Variants in ZCCHC14 observed in about 807,000 individuals in gnomAD.
ZCCHC14 encodes zinc finger CCHC domain-containing protein 14.
A neutral mutation model predicts 85.0 loss-of-function variants in ZCCHC14; 16 were observed. That is an observed-to-expected ratio of 0.19 (90% CI 0.13 to 0.29). The LOEUF (loss-of-function observed/expected upper bound fraction) is 0.29, where lower values mean the gene tolerates loss of function less well. Ranked by LOEUF, ZCCHC14 falls within the 10% of genes least tolerant of loss-of-function variation. The probability of loss-of-function intolerance (pLI) is 1.00; values close to 1 mark genes in which losing one functional copy is unlikely to be tolerated. For synonymous variants in ZCCHC14, 775 were observed against 630.7 expected (o/e 1.23, Z -3.43); for missense variants, 1,303 against 1,443.5 (o/e 0.90, Z 1.58).
rs1228226545 is a variant in ZCCHC14, at chr16:87,407,120, G to A, written c.*3160C>T. On this transcript the variant is annotated 3_prime_UTR_variant, in exon 13 of 13. Coordinates refer to ENST00000671377, the MANE Select transcript of ZCCHC14 (RefSeq NM_015144.3). Reference sequence around the variant, plus strand: ...GCCCCGCTCAGCCTCTGTTCCAGCTGGGTGATGTTTAGGCAAAGTCACTAC... The same window carrying A: ...GCCCCGCTCAGCCTCTGTTCCAGCTAGGTGATGTTTAGGCAAAGTCACTAC... 1 of 152,302 alleles carries A rather than the reference G, an allele frequency of 6.6e-6. No individual in the cohort carries two copies. Among genetic ancestry groups the A allele is most frequent in the Non-Finnish European group, 1.5e-5 (1 of 68,100 alleles). 9.4% of individuals were successfully genotyped at this position (152,302 alleles called of 1,614,324 possible). A position where few individuals can be genotyped will look rare whatever the true frequency, so the allele number is the denominator to read the frequency against.
chr16:87,446,605 C>G (rs1311725921), intron 2 of ZCCHC14, among the ~76,000 whole-genome samples: 1 of 152,152 alleles, frequency 6.6e-6, no homozygotes, highest in Non-Finnish European at 1.5e-5. Flanking sequence ...AGTGGAAATG[C>G]TGACAACAAA....
chr16:87,458,019 G>A (rs1474201420), intron 2 of ZCCHC14, among the ~76,000 whole-genome samples: 4 of 151,750 alleles, frequency 2.6e-5, no homozygotes, highest in Non-Finnish European at 5.9e-5. Flanking sequence ...TCACATGAGA[G>A]TCAGCTCACC....
intron 1 of ZCCHC14, among the ~76,000 whole-genome samples, chr16:87,475,691 A>G (rs1270707821): frequency 6.6e-6 from 1 of 152,234 alleles, no homozygotes; most frequent in Non-Finnish European, 1.5e-5. Context: ...GGATCAATAA[A>G]AAGTATCCAA....
At position 87,467,619 on chromosome 16, in the gene ZCCHC14, A is replaced by T. The variant is rs1340109804; in HGVS notation, c.571-7488T>A. The T allele has an allele frequency of 5.3e-6, 6 of 1,140,012 alleles. No individual in the cohort carries two copies. The Admixed American group carries it at 1.0e-4, about 19-fold the overall frequency. 70.6% of individuals were successfully genotyped at this position (1,140,012 alleles called of 1,614,324 possible). On this transcript the variant is annotated intron_variant, in intron 1 of 12. Transcript: ENST00000671377. Reference sequence around the variant, plus strand: ...TCAAGGATCTGGAGATGACAACTTGACTTCCTTGGGGACTCTGAATTTCCC... The same window carrying T: ...TCAAGGATCTGGAGATGACAACTTGTCTTCCTTGGGGACTCTGAATTTCCC...
chr16:87,481,528 G>GGGGT (rs1912268044), intron 1 of ZCCHC14, among the ~76,000 whole-genome samples: 1 of 18,494 alleles, frequency 5.4e-5, no homozygotes, highest in African/African-American at 1.7e-4. Context: ...GAGAGAAACG[G>GGGGT]GGGGGGGGGG....
chr16:87,430,295 G>A (rs1026218927), intron 3 of ZCCHC14, among the ~76,000 whole-genome samples: 1 of 152,070 alleles, frequency 6.6e-6, no homozygotes, highest in Non-Finnish European at 1.5e-5. Flanking sequence ...GCTGAAAAGC[G>A]CATCCTTTCT....
intron 3 of ZCCHC14, among the ~76,000 whole-genome samples, chr16:87,430,362 G>C (rs778191776): frequency 6.6e-6 from 1 of 152,096 alleles, no homozygotes; most frequent in Admixed American, 6.5e-5. Context: ...AGCCTCTTCT[G>C]TCCCACTCAT....
chr16:87,407,355 A>T lies in ZCCHC14; in HGVS notation c.*2925T>A, dbSNP rs1181023326. On this transcript the variant is annotated 3_prime_UTR_variant, in exon 13 of 13. Transcript: ENST00000671377. ...ACCCAATCACATATATGCATTCAAG[A>T]AAATATTTTGTCTTTATTTTTATTA... 1 of 152,232 alleles carries T rather than the reference A, an allele frequency of 6.6e-6. No individual in the cohort carries two copies. Among genetic ancestry groups the T allele is most frequent in the African/African-American group, 2.4e-5 (1 of 41,456 alleles). 9.4% of individuals were successfully genotyped at this position (152,232 alleles called of 1,614,324 possible).
intron 2 of ZCCHC14, among the ~76,000 whole-genome samples, chr16:87,447,338 A>G (rs1186983117): frequency 6.6e-6 from 1 of 152,088 alleles, no homozygotes; most frequent in African/African-American, 2.4e-5. Flanking sequence ...ATTTACATAG[A>G]GCAAAATGCA....
At chr16:87,458,323 C>T (rs1039686222) in intron 2 of ZCCHC14, among the ~76,000 whole-genome samples, 3 of 152,104 alleles carry the variant, frequency 2.0e-5, no homozygotes, top group East Asian at 1.9e-4. Flanking sequence ...CCTGCAATTC[C>T]GACGCCAAGT....
chr16:87,481,526 CG>C (rs1315025919), intron 1 of ZCCHC14, among the ~76,000 whole-genome samples: 479 of 2,392 alleles, frequency 0.2, 34 homozygotes, highest in Non-Finnish European at 0.3. Context: ...GGGAGAGAAA[CG>C]GGGGGGGGGG....
rs543283629 is a variant in ZCCHC14, at chr16:87,475,794, G to A, written c.571-15663C>T. On this transcript the variant is annotated intron_variant, in intron 1 of 12. Transcript: ENST00000671377. ...ACACAGTTTAACATACCTAGAGCTG[G>A]AGTCCCATAAGGAGAGAGAGATTGA... Among the ~76,000 whole-genome samples the A allele has an allele frequency of 4.7e-4, 72 of 152,132 alleles. 1 individual carries two copies. Among genetic ancestry groups the A allele is most frequent in the Non-Finnish European group, 1.9e-4 (13 of 68,024 alleles).
rs987142795 is a variant in ZCCHC14 at position 87,420,532 on chromosome 16, G to A, written c.950+75C>T. 3.2e-6 allele frequency: 4 copies of A among 1,237,050 alleles called. No individual in the cohort carries two copies. The African/African-American group carries it at 4.5e-5, about 14-fold the overall frequency. The allele number at this position is 1,237,050 out of a possible 1,614,324, so 76.6% of individuals were successfully genotyped here. On this transcript the variant is annotated intron_variant, in intron 5 of 12. Transcript: ENST00000671377. This position sits in a 1 kb window ranked among gnomAD's most constrained non-coding sequence, Gnocchi z 5.0. The stretch of plus-strand genomic sequence containing the variant: ...CGCATCCTCCCAGAGCTCCTTGGAG[G>A]ACCACAGCATTGACCACAGGACCAG...
At chr16:87,453,594 G>A (rs988550712) in intron 2 of ZCCHC14, among the ~76,000 whole-genome samples, 80 of 152,332 alleles carry the variant, frequency 5.3e-4, no homozygotes, top group African/African-American at 1.7e-3. Context: ...GGCCGACTTC[G>A]CACAGCTGGT....
chr16:87,436,821 TA>T (rs1240997898), intron 2 of ZCCHC14, among the ~76,000 whole-genome samples: 1 of 152,252 alleles, frequency 6.6e-6, no homozygotes, highest in African/African-American at 2.4e-5. Flanking sequence ...ATGAAAACAC[TA>T]AAACTAAACG....
At chr16:87,447,681 T>C (rs961818144) in intron 2 of ZCCHC14, among the ~76,000 whole-genome samples, 1 of 152,244 alleles carries the variant, frequency 6.6e-6, no homozygotes, top group Non-Finnish European at 1.5e-5. Flanking sequence ...CTCCAAGTGC[T>C]GTTGTGGATG....
chr16:87,477,628 C>G (rs1235576685), intron 1 of ZCCHC14, among the ~76,000 whole-genome samples: 1 of 152,206 alleles, frequency 6.6e-6, no homozygotes, highest in African/African-American at 2.4e-5. Context: ...ATACTTAACC[C>G]CTCTGTGTCT....
chr16:87,428,899 G>A (rs1427520433), intron 3 of ZCCHC14, among the ~76,000 whole-genome samples: 2 of 4,550 alleles, frequency 4.4e-4, no homozygotes, highest in African/African-American at 2.4e-3. Context: ...CATTACTGCC[G>A]GGGGTGGTAT....
Position 87,491,820 on chromosome 16 carries a change from G to C in ZCCHC14, c.419C>G (p.Ser140Cys). The change falls in exon 1 of 13, where the codon TCC becomes TGC. Residue 140 changes from serine to cysteine, a missense_variant. Around this residue, in one of 7 missense-constraint regions of ZCCHC14, gnomAD observed 389 missense variants for 397.8 expected, o/e 0.98. Transcript: ENST00000671377. The surrounding 1 kb of genome is among the most constrained non-coding windows in gnomAD (Gnocchi z 5.9). ...DEFLLLFTMA[S>C]NHPAFSFHQK... is the part of the protein sequence containing the mutation. The stretch of plus-strand genomic sequence containing the variant: ...GTGGAAGCTGAAGGCCGGGTGGTTG[G>C]AGGCCATGGTGAACAGCAGCAGGAA... The C allele has an allele frequency of 1.9e-6, 3 of 1,585,214 alleles. No individual in the cohort carries two copies. The highest frequency in any genetic ancestry group is 2.6e-6 in the Non-Finnish European group (3 of 1,169,956).
Sources: allele counts gnomAD v4.1 joint callset (sites outside exome capture counted in the v4.1 genomes callset), GRCh38; gene constraint gnomAD v4.1.1; regional missense constraint gnomAD v4.1.1; non-coding constraint Gnocchi (gnomAD v3.1); transcripts MANE v1.5; gene names NCBI Gene and HGNC (gene_info 2026-07-23, HGNC 2026-07-21).